The following MAPKBP1 variants were observed in gnomAD, a reference collection of about 807,000 sequenced individuals.
The protein encoded by MAPKBP1 is mitogen-activated protein kinase-binding protein 1.
A neutral mutation model predicts 170.5 loss-of-function variants in MAPKBP1; 71 were observed. The observed-to-expected ratio is 0.42, with a 90% CI of 0.34 to 0.51. MAPKBP1 has a LOEUF of 0.51. MAPKBP1 is among the 20% of genes least tolerant of loss of function. The pLI, the probability that MAPKBP1 is intolerant of heterozygous loss-of-function variation, is 0.06. For missense variants in MAPKBP1, 1,598 were observed against 1,933.0 expected (o/e 0.83, Z 3.25); for synonymous variants, 719 against 757.9 (o/e 0.95, Z 0.84).
intron 2 of MAPKBP1, among the ~76,000 whole-genome samples, chr15:41,781,648 C>A (rs555480832): frequency 7.9e-5 from 12 of 152,070 alleles, no homozygotes; most frequent in Admixed American, 7.2e-4. Flanking sequence ...ATCTTAAAAA[C>A]AAACAAAAAC....
intron 30 of MAPKBP1, 32 bp downstream of exon 30, chr15:41,824,601 G>T: frequency 6.4e-7 from 1 of 1,553,186 alleles, no homozygotes; most frequent in East Asian, 2.3e-5. Context: ...GCAGGAAGGC[G>T]GGCACGTCAG....
Position 41,786,592 on chromosome 15 carries a change from G to A in MAPKBP1, c.114+11203G>A, listed in dbSNP as rs1457629623. Among the ~76,000 whole-genome samples, 12 of 150,296 alleles carry A rather than the reference G, an allele frequency of 8.0e-5. 1 individual carries two copies. The East Asian group carries it at 2.0e-3, about 24-fold the overall frequency. ...ATTGTGGCTAACACGGTGAAACCCC[G>A]TCTCTACTAAAAATACAAAAAAATT... On this transcript the variant is annotated intron_variant, in intron 2 of 30. Transcript: ENST00000457542.
At chr15:41,779,903 A>G (rs2064156198) in intron 2 of MAPKBP1, among the ~76,000 whole-genome samples, 1 of 152,182 alleles carries the variant, frequency 6.6e-6, no homozygotes, top group Non-Finnish European at 1.5e-5. Context: ...GGTGGTATAC[A>G]ATGAAAAATG....
chr15:41,815,726 G>A lies in MAPKBP1; in HGVS notation c.1420G>A (p.Val474Met), dbSNP rs142978237. Residue 474 changes from valine to methionine, a missense_variant, in exon 12 of 31, where the codon GTG (valine) becomes ATG (methionine). Around this residue, in one of 6 missense-constraint regions of MAPKBP1, gnomAD observed 430 missense variants for 617.2 expected, o/e 0.70. Transcript: ENST00000457542. ...TGATGCATCCCTGTTGGATCCCCGCGTGGGCATCCGCTCGGTGTGTGTCAG... is the reference window on the plus strand; with the variant it reads ...TGATGCATCCCTGTTGGATCCCCGCATGGGCATCCGCTCGGTGTGTGTCAG... ...KADASLLDPRVGIRSVCVSPN... is the reference protein window; with the variant it reads ...KADASLLDPRMGIRSVCVSPN... 587 of 1,614,210 alleles carry A rather than the reference G, an allele frequency of 3.6e-4. 2 individuals carry two copies. The African/African-American group carries it at 6.8e-3, about 19-fold the overall frequency.
rs747898040 is a variant in MAPKBP1, at chr15:41,817,564, C to A, written c.1783-50C>A. On this transcript the variant is annotated intron_variant, in intron 15 of 30. Coordinates refer to ENST00000457542, the MANE Select transcript of MAPKBP1 (RefSeq NM_014994.3). The surrounding 1 kb of genome is among the most constrained non-coding windows in gnomAD (Gnocchi z 4.2). Reference sequence around the variant, plus strand: ...GGAGGCGCAAGTAGGGCTCTTGGGGCCTGGTGAGGCATTTGGGTGTGGGCC... The same window carrying A: ...GGAGGCGCAAGTAGGGCTCTTGGGGACTGGTGAGGCATTTGGGTGTGGGCC... 1.2e-6 allele frequency: 2 copies of A among 1,613,554 alleles called. No individual in the cohort carries two copies. Among genetic ancestry groups the A allele is most frequent in the Non-Finnish European group, 1.7e-6 (2 of 1,179,634 alleles).
intron 2 of MAPKBP1, among the ~76,000 whole-genome samples, chr15:41,797,954 A>G (rs534342005): frequency 1.3e-5 from 2 of 152,192 alleles, no homozygotes; most frequent in East Asian, 3.9e-4. Context: ...CAGAGATAAG[A>G]ATTTAAACAG....
intron 5 of MAPKBP1, 24 bp from the exon 6 acceptor site, chr15:41,811,933 C>T (rs779574874): frequency 6.2e-7 from 1 of 1,612,842 alleles, no homozygotes; most frequent in Non-Finnish European, 8.5e-7. Flanking sequence ...CAAGAACTCA[C>T]TTCCAGTTCT....
chr15:41,823,743 C>T lies in MAPKBP1; in HGVS notation c.3895C>T (p.Pro1299Ser), dbSNP rs765392817. 1.2e-6 allele frequency: 2 copies of T among 1,614,166 alleles called. No individual in the cohort carries two copies. Among genetic ancestry groups the T allele is most frequent in the Non-Finnish European group, 1.7e-6 (2 of 1,180,026 alleles). ...GGTCCTGGACATCCCCAAACCACTGCCTGACCGTCCTACCCTGGCTGCATT... is the reference window on the plus strand; with the variant it reads ...GGTCCTGGACATCCCCAAACCACTGTCTGACCGTCCTACCCTGGCTGCATT... ...HLVLDIPKPL[P>S]DRPTLAAFSP... Residue 1299 changes from proline to serine, a missense_variant, in exon 29 of 31, where the codon CCT (proline) becomes TCT (serine). By Grantham distance (74) the Pro-to-Ser change is moderately conservative. Around this residue, in one of 6 missense-constraint regions of MAPKBP1, gnomAD observed 942 missense variants for 953.2 expected, o/e 0.99. Coordinates refer to ENST00000457542, the MANE Select transcript of MAPKBP1 (RefSeq NM_014994.3).
At chr15:41,786,591 C>T (rs1003931673) in intron 2 of MAPKBP1, among the ~76,000 whole-genome samples, 34 of 150,390 alleles carry the variant, frequency 2.3e-4, no homozygotes, top group Middle Eastern at 3.4e-3. Flanking sequence ...GGTGAAACCC[C>T]GTCTCTACTA....
chr15:41,824,651 T>C lies in MAPKBP1; in HGVS notation c.4299+82T>C. 11 of 1,320,858 alleles carry C rather than the reference T, an allele frequency of 8.3e-6. No homozygotes were observed. The South Asian group carries it at 1.5e-4, about 18-fold the overall frequency. The allele number at this position is 1,320,858 out of a possible 1,614,324, so 81.8% of individuals were successfully genotyped here. On this transcript the variant is annotated intron_variant, in intron 30 of 30. Transcript: ENST00000457542. ...TCGGATAACCATGTCCAGAACAGTA[T>C]GCTAAGCCTCTTGTGCTGACAGGAT... is the stretch of plus-strand genomic sequence containing the variant.
intron 3 of MAPKBP1, among the ~76,000 whole-genome samples, chr15:41,800,338 A>G (rs2064567631): frequency 2.0e-5 from 3 of 151,970 alleles, no homozygotes; most frequent in Admixed American, 6.6e-5. Flanking sequence ...GGACATTTTC[A>G]TGACCTTGTT....
At chr15:41,816,365 C>A (rs978184126) in intron 12 of MAPKBP1, 194 bp from the exon 13 acceptor site, 10 of 566,514 alleles carry the variant, frequency 1.8e-5, no homozygotes, top group Non-Finnish European at 3.2e-5. Context: ...ATTGCACTAT[C>A]GTTATGTAAG....
intron 5 of MAPKBP1, 129 bp from the exon 6 acceptor site, chr15:41,811,828 T>C: frequency 1.1e-6 from 1 of 891,658 alleles, no homozygotes; most frequent in East Asian, 2.6e-5. Flanking sequence ...TACCCTGCCC[T>C]GACTTTTGGC....
At chr15:41,783,316 G>T (rs1238626015) in intron 2 of MAPKBP1, among the ~76,000 whole-genome samples, 3 of 152,176 alleles carry the variant, frequency 2.0e-5, no homozygotes, top group Admixed American at 6.5e-5. Flanking sequence ...TGAAGCTGTG[G>T]AGAGTAGCTG....
chr15:41,821,137 G>T, intron 23 of MAPKBP1, 69 bp downstream of exon 23: 3 of 1,434,830 alleles, frequency 2.1e-6, no homozygotes, highest in Non-Finnish European at 2.9e-6. Flanking sequence ...CCACCAGCTG[G>T]GACCTGAGCA....
chr15:41,817,925 G>A lies in MAPKBP1; in HGVS notation c.1905-84G>A. On this transcript the variant is annotated intron_variant, in intron 16 of 30. Transcript: ENST00000457542. The surrounding 1 kb of genome is among the most constrained non-coding windows in gnomAD (Gnocchi z 4.2). ...GGGTAGCTCCCAGAGAGTGTAGACT[G>A]GGAGTGAAAGCTGGCATTTCCATCC... 1 of 1,532,106 alleles carries A rather than the reference G, an allele frequency of 6.5e-7. No individual in the cohort carries two copies. Among genetic ancestry groups the A allele is most frequent in the South Asian group, 1.1e-5 (1 of 88,220 alleles). The allele number at this position is 1,532,106 out of a possible 1,614,324, so 94.9% of individuals were successfully genotyped here. A position where few individuals can be genotyped will look rare whatever the true frequency, so the allele number is the denominator to read the frequency against.
At position 41,825,354 on chromosome 15, in the gene MAPKBP1, C is replaced by T; in HGVS notation, c.4445C>T (p.Ala1482Val). 3 of 1,613,488 alleles carry T rather than the reference C, an allele frequency of 1.9e-6. No individual in the cohort carries two copies. The South Asian group carries it at 3.3e-5, about 18-fold the overall frequency. Residue 1482 changes from alanine to valine, a missense_variant, in exon 31 of 31, where the codon GCC becomes GTC. Physicochemically the swap from Ala to Val is moderately conservative, Grantham distance 64. Around this residue, in one of 6 missense-constraint regions of MAPKBP1, gnomAD observed 942 missense variants for 953.2 expected, o/e 0.99. Coordinates refer to ENST00000457542, the MANE Select transcript of MAPKBP1 (RefSeq NM_014994.3). The part of the protein sequence containing the change: ...SPGSSPGAVG[A>V]EQTQALLEQY... ...GGCAGCAGCCCTGGGGCTGTGGGAG[C>T]CGAGCAGACACAGGCCCTGCTGGAG...
intron 2 of MAPKBP1, among the ~76,000 whole-genome samples, chr15:41,796,470 A>G (rs955525067): frequency 6.6e-6 from 1 of 152,168 alleles, no homozygotes; most frequent in Non-Finnish European, 1.5e-5. Flanking sequence ...GATCCTTTGA[A>G]AGTGGAGCTC....
rs756325752 is a variant in MAPKBP1 at position 41,812,553 on chromosome 15, G to A, written c.536G>A (p.Arg179Gln). 1.2e-6 allele frequency: 2 copies of A among 1,614,198 alleles called. No individual in the cohort carries two copies. The highest frequency in any genetic ancestry group is 1.7e-5 in the Admixed American group (1 of 60,026). ...IVVASNKVSS[R>Q]VTAVSFSEDC... ...GTGGCCTCCAACAAGGTGTCCAGTC[G>A]GGTGACAGCAGTGTCCTTCTCTGAG... is the stretch of plus-strand genomic sequence containing the variant. Residue 179 changes from arginine to glutamine, a missense_variant, in exon 7 of 31, where the codon CGG becomes CAG. By Grantham distance (43) the Arg-to-Gln change is conservative. Transcript: ENST00000457542.
Sources: allele counts gnomAD v4.1 joint callset (sites outside exome capture counted in the v4.1 genomes callset), GRCh38; gene constraint gnomAD v4.1.1; regional missense constraint gnomAD v4.1.1; non-coding constraint Gnocchi (gnomAD v3.1); transcripts MANE v1.5; gene names NCBI Gene and HGNC (gene_info 2026-07-23, HGNC 2026-07-21).